HDAC9: variants seen among roughly 807,000 people sequenced by gnomAD.
The protein encoded by HDAC9 is MEF-2 interacting transcription repressor (MITR) protein.
HDAC9 carries 41 observed loss-of-function variants against 139.4 expected under a neutral mutation model. The ratio of observed to expected loss-of-function variants is 0.29; its 90% CI spans 0.23 to 0.38. The LOEUF (loss-of-function observed/expected upper bound fraction) is 0.38, where lower values mean the gene tolerates loss of function less well. Ranked by LOEUF, HDAC9 falls within the 10% of genes least tolerant of loss-of-function variation. The pLI is 1.00. For synonymous variants in HDAC9, 517 were observed against 476.2 expected (o/e 1.09, Z -1.12); for missense variants, 1,147 against 1,297.0 (o/e 0.88, Z 1.78).
chr7:18,398,175 G>A (rs370858982), intron 1 of HDAC9, among the ~76,000 whole-genome samples: 1 of 152,136 alleles, frequency 6.6e-6, no homozygotes, highest in Non-Finnish European at 1.5e-5. Flanking sequence ...TTCCACAACT[G>A]CTTCAAAGGG....
intron 21 of HDAC9, among the ~76,000 whole-genome samples, chr7:18,870,216 A>C (rs758421309): frequency 6.6e-6 from 1 of 152,162 alleles, no homozygotes; most frequent in Non-Finnish European, 1.5e-5. Flanking sequence ...CAAATTTTCC[A>C]CTGATGTCCT....
At chr7:18,675,548 T>C (rs557013428) in intron 12 of HDAC9, among the ~76,000 whole-genome samples, 2 of 152,216 alleles carry the variant, frequency 1.3e-5, no homozygotes, top group South Asian at 2.1e-4. Context: ...CTTGGAACTT[T>C]AGTAACTTTG....
chr7:18,854,929 G>A (rs1797565037), intron 21 of HDAC9, among the ~76,000 whole-genome samples: 5 of 152,108 alleles, frequency 3.3e-5, no homozygotes, highest in African/African-American at 9.7e-5. Flanking sequence ...GAGTGCCTGC[G>A]TAAATTGGTC....
Position 18,574,782 on chromosome 7 carries a change from G to A in HDAC9, c.23-10499G>A, listed in dbSNP as rs563121041. ...CCGGGTTGCGACAGTGCCTGGGCTT[G>A]GCCTGAACTTTGCTTCAAAATCAGA... On this transcript the variant is annotated intron_variant, in intron 2 of 25. Coordinates refer to ENST00000686413, the MANE Select transcript of HDAC9 (RefSeq NM_178425.4). 1.9e-3 allele frequency among the ~76,000 whole-genome samples: 290 copies of A among 152,372 alleles called. 1 individual carries two copies. Among genetic ancestry groups the A allele is most frequent in the Non-Finnish European group, 3.5e-3 (236 of 68,040 alleles).
intron 2 of HDAC9, among the ~76,000 whole-genome samples, chr7:18,212,154 A>G (rs1791981836): frequency 6.6e-6 from 1 of 152,164 alleles, no homozygotes; most frequent in Non-Finnish European, 1.5e-5. Context: ...GATGATTAGG[A>G]TGATGATAAA....
At chr7:18,391,005 C>A (rs1288608848) in intron 1 of HDAC9, among the ~76,000 whole-genome samples, 1 of 152,104 alleles carries the variant, frequency 6.6e-6, no homozygotes, top group East Asian at 1.9e-4. Context: ...GGGAGAGTTG[C>A]TTGAACCCGG....
At chr7:18,782,896 A>G (rs903823047) in intron 16 of HDAC9, among the ~76,000 whole-genome samples, 1 of 152,056 alleles carries the variant, frequency 6.6e-6, no homozygotes, top group Admixed American at 6.6e-5. Context: ...TGCAAGTGGA[A>G]CTGCTGGTTT....
chr7:18,967,858 T>C (rs574356050), intron 24 of HDAC9, among the ~76,000 whole-genome samples: 1 of 152,092 alleles, frequency 6.6e-6, no homozygotes, highest in South Asian at 2.1e-4. Context: ...TGAGGACAGT[T>C]AAAAAACAAA....
intron 1 of HDAC9, among the ~76,000 whole-genome samples, chr7:18,318,768 G>A (rs1399224923): frequency 6.6e-6 from 1 of 152,156 alleles, no homozygotes; most frequent in Non-Finnish European, 1.5e-5. Context: ...AGAATTATGT[G>A]AAATACCTCT....
intron 17 of HDAC9, among the ~76,000 whole-genome samples, chr7:18,825,228 G>T (rs1795329802): frequency 6.6e-6 from 1 of 152,180 alleles, no homozygotes; most frequent in Non-Finnish European, 1.5e-5. Flanking sequence ...GAATTCATAA[G>T]ACTGGTGGCC....
intron 2 of HDAC9, among the ~76,000 whole-genome samples, chr7:18,528,287 G>T (rs1233881698): frequency 6.6e-6 from 1 of 151,306 alleles, no homozygotes; most frequent in Non-Finnish European, 1.5e-5. Context: ...GAATTAATTT[G>T]CTTATTTTTC....
chr7:18,091,357 GA>G (rs1438984112), intron 1 of HDAC9, among the ~76,000 whole-genome samples: 1 of 152,204 alleles, frequency 6.6e-6, no homozygotes, highest in African/African-American at 2.4e-5. Context: ...GAGGTTGCTG[GA>G]AATGGTACTT....
intron 22 of HDAC9, among the ~76,000 whole-genome samples, chr7:18,923,745 G>A (rs1257211022): frequency 6.6e-6 from 1 of 152,020 alleles, no homozygotes; most frequent in Non-Finnish European, 1.5e-5. Flanking sequence ...TAAGATGAAA[G>A]ACCTCTGGCA....
chr7:18,098,355 A>C (rs77748336), intron 1 of HDAC9, among the ~76,000 whole-genome samples: 1,743 of 152,320 alleles, frequency 0.011, 24 homozygotes, highest in Non-Finnish European at 0.014. Context: ...AGTAGTATGT[A>C]ATGGTTATAG....
At chr7:18,702,752 A>T (rs767312877) in intron 12 of HDAC9, among the ~76,000 whole-genome samples, 4 of 152,048 alleles carry the variant, frequency 2.6e-5, no homozygotes, top group African/African-American at 9.7e-5. Context: ...TAGAATTACC[A>T]TTTCCCTCTG....
intron 22 of HDAC9, among the ~76,000 whole-genome samples, chr7:18,897,573 A>G (rs929656726): frequency 2.6e-5 from 4 of 151,908 alleles, no homozygotes; most frequent in African/African-American, 9.7e-5. Context: ...TCATATTTGT[A>G]GGTCATATCA....
At chr7:18,934,375 C>T (rs1057381373) in intron 22 of HDAC9, among the ~76,000 whole-genome samples, 9 of 151,806 alleles carry the variant, frequency 5.9e-5, no homozygotes, top group Non-Finnish European at 1.3e-4. Flanking sequence ...TGAACATACT[C>T]AAAAAAATCT....
intron 1 of HDAC9, among the ~76,000 whole-genome samples, chr7:18,160,949 C>T (rs2128126745): frequency 6.6e-6 from 1 of 152,112 alleles, no homozygotes; most frequent in Admixed American, 6.6e-5. Flanking sequence ...TCAGAATGTC[C>T]ATTTCTTGAT....
At chr7:18,421,877 G>C (rs1789652224) in intron 1 of HDAC9, among the ~76,000 whole-genome samples, 1 of 152,200 alleles carries the variant, frequency 6.6e-6, no homozygotes, top group Non-Finnish European at 1.5e-5. Context: ...GTTTGTGGAA[G>C]CTGAGCCCTG....
Sources: gnomAD v4.1 joint callset for allele counts (sites outside exome capture counted in the v4.1 genomes callset) on GRCh38, gnomAD v4.1.1 for gene constraint, MANE v1.5 for transcripts, NCBI Gene and HGNC (gene_info 2026-07-23, HGNC 2026-07-21) for gene names.